The following ADD2 variants were observed in gnomAD, a reference collection of about 807,000 sequenced individuals.
ADD2 encodes adducin 2.
ADD2 carries 23 observed loss-of-function variants against 83.0 expected under a neutral mutation model. That is an observed-to-expected ratio of 0.28 (90% confidence interval 0.20 to 0.39). The LOEUF is 0.39. Ranked by LOEUF, ADD2 falls within the 10% of genes least tolerant of loss-of-function variation. ADD2 has a pLI of 1.00. For missense variants in ADD2, 758 were observed against 944.9 expected (o/e 0.80, Z 2.59); for synonymous variants, 375 against 375.4 (o/e 1.00, Z 0.01).
At chr2:70,728,945 G>A (rs892045321) in intron 1 of ADD2, among the ~76,000 whole-genome samples, 4 of 152,188 alleles carry the variant, frequency 2.6e-5, no homozygotes, top group Non-Finnish European at 2.9e-5. Context: ...AGGGCCTGTC[G>A]GCATGGTTTT....
intron 1 of ADD2, among the ~76,000 whole-genome samples, chr2:70,752,512 T>C (rs1363115136): frequency 1.3e-5 from 2 of 152,098 alleles, no homozygotes; most frequent in African/African-American, 4.8e-5. Context: ...ACTATTATAA[T>C]GGAGCCAAGT....
chr2:70,728,816 C>A (rs1353090181), intron 1 of ADD2, among the ~76,000 whole-genome samples: 1 of 152,204 alleles, frequency 6.6e-6, no homozygotes, highest in Non-Finnish European at 1.5e-5. Flanking sequence ...CACACAGACA[C>A]CTTCCTTGAG....
Position 70,659,768 on chromosome 2 carries a change from C to G in ADD2, c.*3657G>C, listed in dbSNP as rs1017471727. 1.3e-5 allele frequency: 2 copies of G among 152,192 alleles called. No homozygotes were observed. The highest frequency in any genetic ancestry group is 2.9e-5 in the Non-Finnish European group (2 of 68,052). The allele number at this position is 152,192 out of a possible 1,614,324, so 9.4% of individuals were successfully genotyped here. A position where few individuals can be genotyped will look rare whatever the true frequency, so the allele number is the denominator to read the frequency against. On this transcript the variant is annotated 3_prime_UTR_variant, in exon 16 of 16. Coordinates refer to ENST00000264436, the MANE Select transcript of ADD2 (RefSeq NM_001617.4). The stretch of plus-strand genomic sequence containing the variant: ...GGTTCTCTCACACCACTGTTGGGTG[C>G]AGCCAACACTACGCAAGGAGCCGTT...
At chr2:70,717,218 G>A (rs1453232111) in intron 1 of ADD2, among the ~76,000 whole-genome samples, 8 of 152,038 alleles carry the variant, frequency 5.3e-5, no homozygotes, top group African/African-American at 1.9e-4. Flanking sequence ...TACACATCAT[G>A]AGACACGCTT....
At chr2:70,747,611 T>G (rs944001639) in intron 1 of ADD2, among the ~76,000 whole-genome samples, 4 of 152,164 alleles carry the variant, frequency 2.6e-5, no homozygotes, top group Non-Finnish European at 5.9e-5. Context: ...CCTATCATGC[T>G]ATGTGTTCAC....
rs553401343 is a variant in ADD2, at chr2:70,747,812, T to G, written c.-154+20074A>C. On this transcript the variant is annotated intron_variant, in intron 1 of 15. Transcript: ENST00000264436. ...TCTCAGATTGACCTTTCTGAAATAT[T>G]ACTCAGTGGAAATTTGAAAACAAAT... is the stretch of plus-strand genomic sequence containing the variant. Among the ~76,000 whole-genome samples the G allele has an allele frequency of 4.0e-4, 61 of 152,352 alleles. 1 individual carries two copies. Among genetic ancestry groups the G allele is most frequent in the African/African-American group, 1.4e-3 (58 of 41,586 alleles).
At chr2:70,720,349 AT>A (rs1335693745) in intron 1 of ADD2, among the ~76,000 whole-genome samples, 3 of 151,896 alleles carry the variant, frequency 2.0e-5, no homozygotes, top group Admixed American at 2.0e-4. Context: ...AAAGGCTCAC[AT>A]GGGGAACTGC....
intron 1 of ADD2, among the ~76,000 whole-genome samples, chr2:70,761,620 A>C (rs1487760435): frequency 1.3e-5 from 2 of 149,886 alleles, no homozygotes; most frequent in Non-Finnish European, 3.0e-5. Flanking sequence ...GGAAGGAAGG[A>C]AGGAATTAAA....
rs184307295 is a variant in ADD2, at chr2:70,753,951, G to A, written c.-154+13935C>T. Among the ~76,000 whole-genome samples the A allele has an allele frequency of 2.7e-4, 41 of 152,208 alleles. No homozygotes were observed. The East Asian group carries it at 4.4e-3, about 16-fold the overall frequency. ...GCATTTTATTACATTAAAGGTCACCGTCAGCAGAACAAGGCTAGACAAGGG... is the reference window on the plus strand; with the variant it reads ...GCATTTTATTACATTAAAGGTCACCATCAGCAGAACAAGGCTAGACAAGGG... On this transcript the variant is annotated intron_variant, in intron 1 of 15. Transcript: ENST00000264436.
chr2:70,768,057 G>A lies in ADD2; in HGVS notation c.-325C>T. ...GTCAGAGCTGCTGGGAGATCCCCCA[G>A]CAGTGCAGCGGCTCCGCGGCGGCGG... is the stretch of plus-strand genomic sequence containing the variant. On this transcript the variant is annotated 5_prime_UTR_variant, in exon 1 of 16. Coordinates refer to ENST00000264436, the MANE Select transcript of ADD2 (RefSeq NM_001617.4). 15 of 1,340,784 alleles carry A rather than the reference G, an allele frequency of 1.1e-5. No individual in the cohort carries two copies. Among genetic ancestry groups the A allele is most frequent in the Non-Finnish European group, 1.4e-5 (14 of 999,194 alleles). The allele number at this position is 1,340,784 out of a possible 1,614,324, so 83.1% of individuals were successfully genotyped here.
At chr2:70,699,396 C>A (rs1316242448) in intron 4 of ADD2, among the ~76,000 whole-genome samples, 3 of 151,994 alleles carry the variant, frequency 2.0e-5, no homozygotes, top group Non-Finnish European at 4.4e-5. Flanking sequence ...AAATGTTTGG[C>A]GACCTAAAAA....
chr2:70,767,861 C>T (rs782750227), intron 1 of ADD2, 25 bp downstream of exon 1: 546 of 1,535,616 alleles, frequency 3.6e-4, no homozygotes, highest in Non-Finnish European at 4.4e-4. Flanking sequence ...AGGCAGCCCA[C>T]CAGGCCCGCT....
At chr2:70,748,737 G>C (rs1234038117) in intron 1 of ADD2, among the ~76,000 whole-genome samples, 1 of 152,186 alleles carries the variant, frequency 6.6e-6, no homozygotes, top group Middle Eastern at 3.2e-3. Flanking sequence ...TGCATTTCAA[G>C]TATATTACTT....
chr2:70,674,851 T>C, intron 13 of ADD2, 26 bp from the exon 14 acceptor site: 1 of 1,605,056 alleles, frequency 6.2e-7, no homozygotes, highest in Non-Finnish European at 8.5e-7. Flanking sequence ...AGAGGGTGTG[T>C]CGCTCTCTGA....
intron 8 of ADD2, among the ~76,000 whole-genome samples, chr2:70,689,875 A>G (rs1273292636): frequency 6.6e-6 from 1 of 152,174 alleles, no homozygotes; most frequent in Non-Finnish European, 1.5e-5. Context: ...ACAACACTCA[A>G]GTTTGGGGAG....
At position 70,668,248 on chromosome 2, in the gene ADD2, G is replaced by T. The variant is rs372830918; in HGVS notation, c.1871-4513C>A. 4.8e-4 allele frequency among the ~76,000 whole-genome samples: 73 copies of T among 152,172 alleles called. 2 individuals are homozygous for T. In the South Asian group the frequency reaches 0.015, roughly 31 times the overall value. ...TCTCTCTATATATCCCCTTGGTTCT[G>T]TTTCTCTGGAGAACTCTAATACAGT... On this transcript the variant is annotated intron_variant, in intron 15 of 15. Coordinates refer to ENST00000264436, the MANE Select transcript of ADD2 (RefSeq NM_001617.4).
chr2:70,731,609 CACACCAAAGTGCAAGCAGAGG>C (rs1436472995), intron 1 of ADD2, among the ~76,000 whole-genome samples: 4 of 152,202 alleles, frequency 2.6e-5, no homozygotes, highest in African/African-American at 9.6e-5. Context: ...GGTGCATGTA[CACACCAAAGTGCAAGCAGAGG>C]ACACCTCAAG....
intron 4 of ADD2, 28 bp downstream of exon 4, chr2:70,704,284 CACCTCTGCT>C: frequency 6.4e-7 from 1 of 1,560,602 alleles, no homozygotes; most frequent in Non-Finnish European, 8.7e-7. Flanking sequence ...CCCTCCCCTC[CACCTCTGCT>C]CCTGGCAGCT....
chr2:70,737,737 AT>A (rs781983274), intron 1 of ADD2, among the ~76,000 whole-genome samples: 35 of 152,260 alleles, frequency 2.3e-4, no homozygotes, highest in African/African-American at 7.9e-4. Context: ...AAATAAATAA[AT>A]TTAAAAAAGA....
Sources: gnomAD v4.1 joint callset for allele counts (sites outside exome capture counted in the v4.1 genomes callset) on GRCh38, gnomAD v4.1.1 for gene constraint, MANE v1.5 for transcripts, NCBI Gene and HGNC (gene_info 2026-07-23, HGNC 2026-07-21) for gene names.